The following LRRC20 variants were observed in gnomAD, a reference collection of about 807,000 sequenced individuals.
LRRC20 encodes leucine-rich repeat-containing protein 20.
LRRC20 carries 11 observed loss-of-function variants against 14.4 expected under a neutral mutation model. The observed-to-expected ratio is 0.77, with a 90% confidence interval of 0.48 to 1.27. LRRC20 has a LOEUF of 1.27. LRRC20 is among the 50% of genes most tolerant of loss of function. The pLI is 0.00. For missense variants in LRRC20, 219 were observed against 251.2 expected (o/e 0.87, Z 0.87); for synonymous variants, 121 against 107.3 (o/e 1.13, Z -0.79).
At chr10:70,332,924 G>A (rs1404932950) in intron 3 of LRRC20, among the ~76,000 whole-genome samples, 1 of 152,174 alleles carries the variant, frequency 6.6e-6, no homozygotes, top group Admixed American at 6.5e-5. Context: ...CACATTGTGT[G>A]CATCTACTGC....
At chr10:70,337,980 T>C (rs1325277461) in intron 3 of LRRC20, among the ~76,000 whole-genome samples, 1 of 152,212 alleles carries the variant, frequency 6.6e-6, no homozygotes, top group African/African-American at 2.4e-5. Context: ...TCAATCATTC[T>C]ATCCTCCTCG....
chr10:70,323,753 G>C, intron 4 of LRRC20, 110 bp downstream of exon 4: 1 of 1,267,010 alleles, frequency 7.9e-7, no homozygotes, highest in Non-Finnish European at 1.1e-6. Context: ...AGGCATCTCA[G>C]ACAGAAAGCC....
intron 2 of LRRC20, among the ~76,000 whole-genome samples, chr10:70,367,015 T>G (rs1296286319): frequency 6.6e-6 from 1 of 152,034 alleles, no homozygotes; most frequent in Admixed American, 6.6e-5. Context: ...CTCCTATGTA[T>G]TTATCTGAGA....
rs902145452 is a variant in LRRC20 at position 70,300,518 on chromosome 10, G to A, written c.*836C>T. The A allele has an allele frequency of 3.1e-4, 304 of 985,386 alleles. No individual in the cohort carries two copies. The highest frequency in any genetic ancestry group is 3.5e-4 in the Non-Finnish European group (292 of 830,004). The allele number at this position is 985,386 out of a possible 1,614,324, so 61.0% of individuals were successfully genotyped here. ...GCTGCTGGACTGGACAGTGGTGAGG[G>A]TGGCCATCTAATCACTTTAGACAAG... On this transcript the variant is annotated 3_prime_UTR_variant, in exon 5 of 5. Transcript: ENST00000446961.
chr10:70,316,396 G>A (rs1756548664), intron 4 of LRRC20, among the ~76,000 whole-genome samples: 1 of 152,210 alleles, frequency 6.6e-6, no homozygotes, highest in Admixed American at 6.5e-5. Flanking sequence ...GCATACCAAA[G>A]TCCTGGGATT....
At chr10:70,372,070 C>T (rs74525288) in intron 2 of LRRC20, among the ~76,000 whole-genome samples, 3,481 of 151,642 alleles carry the variant, frequency 0.023, 125 homozygotes, top group African/African-American at 0.079. Context: ...GAGCACCACC[C>T]CGGGAGGGAA....
chr10:70,377,226 G>T (rs1455766658), intron 1 of LRRC20, among the ~76,000 whole-genome samples: 1 of 152,212 alleles, frequency 6.6e-6, no homozygotes, highest in Non-Finnish European at 1.5e-5. Flanking sequence ...CTGCAGACCT[G>T]ATTATCAGCC....
chr10:70,365,646 G>A (rs1179403034), intron 2 of LRRC20, among the ~76,000 whole-genome samples: 1 of 152,134 alleles, frequency 6.6e-6, no homozygotes, highest in African/African-American at 2.4e-5. Context: ...TGCAATGATT[G>A]TGCCTGTGAA....
intron 4 of LRRC20, among the ~76,000 whole-genome samples, chr10:70,306,037 G>A (rs1055081926): frequency 2.6e-5 from 4 of 151,866 alleles, no homozygotes; most frequent in Admixed American, 1.3e-4. Context: ...CACTGCGCCC[G>A]ACCTAGATTC....
intron 2 of LRRC20, among the ~76,000 whole-genome samples, chr10:70,366,252 G>A (rs563753093): frequency 7.9e-5 from 12 of 151,064 alleles, no homozygotes; most frequent in South Asian, 6.3e-4. Context: ...GTGAAACCCC[G>A]TCTCTACTAA....
intron 2 of LRRC20, among the ~76,000 whole-genome samples, chr10:70,365,604 T>G (rs1051768745): frequency 6.6e-6 from 1 of 152,126 alleles, no homozygotes; most frequent in Non-Finnish European, 1.5e-5. Flanking sequence ...AATAGGAGGA[T>G]CTCTTGAGCC....
chr10:70,345,853 T>C (rs1843055946), intron 2 of LRRC20, among the ~76,000 whole-genome samples: 1 of 152,204 alleles, frequency 6.6e-6, no homozygotes, highest in African/African-American at 2.4e-5. Flanking sequence ...TCATGGTTAA[T>C]TAACTGTTTT....
intron 4 of LRRC20, among the ~76,000 whole-genome samples, chr10:70,323,569 G>A (rs78833586): frequency 0.17 from 26,179 of 152,214 alleles, 2,903 homozygotes; most frequent in Non-Finnish European, 0.23. Flanking sequence ...AGGCTGGTAG[G>A]TGAGAACTGG....
intron 3 of LRRC20, among the ~76,000 whole-genome samples, chr10:70,335,062 A>G (rs965275570): frequency 6.6e-6 from 1 of 152,144 alleles, no homozygotes; most frequent in African/African-American, 2.4e-5. Flanking sequence ...CACCCCTGGG[A>G]GGGCCTGGCT....
chr10:70,329,584 T>C (rs1281816473), intron 3 of LRRC20, among the ~76,000 whole-genome samples: 1 of 147,614 alleles, frequency 6.8e-6, no homozygotes, highest in Non-Finnish European at 1.5e-5. Flanking sequence ...TTTTTCGAGA[T>C]GGAGTCTGGC....
chr10:70,345,896 C>T (rs1843056766), intron 2 of LRRC20, among the ~76,000 whole-genome samples: 1 of 152,082 alleles, frequency 6.6e-6, no homozygotes, highest in Non-Finnish European at 1.5e-5. Flanking sequence ...ACCTGTAATC[C>T]CCAAGGTTGG....
chr10:70,355,530 GA>G (rs1564637191), intron 2 of LRRC20, among the ~76,000 whole-genome samples: 1 of 152,196 alleles, frequency 6.6e-6, no homozygotes, highest in Non-Finnish European at 1.5e-5. Context: ...GAGAAGGGCA[GA>G]AAGGCACTTC....
chr10:70,367,287 G>A (rs373399478), intron 2 of LRRC20, among the ~76,000 whole-genome samples: 18 of 134,194 alleles, frequency 1.3e-4, no homozygotes, highest in African/African-American at 5.1e-4. Flanking sequence ...TCATACCACT[G>A]CACTGCACTC....
intron 2 of LRRC20, among the ~76,000 whole-genome samples, chr10:70,355,719 C>T (rs10823526): frequency 0.081 from 12,363 of 152,244 alleles, 594 homozygotes; most frequent in South Asian, 0.15. Flanking sequence ...ACATCCCCAA[C>T]ATGCAGTGAC....
Sources: gnomAD v4.1 joint callset for allele counts (sites outside exome capture counted in the v4.1 genomes callset) on GRCh38, gnomAD v4.1.1 for gene constraint, MANE v1.5 for transcripts, NCBI Gene and HGNC (gene_info 2026-07-23, HGNC 2026-07-21) for gene names.